Variants in ZNF136 observed in about 807,000 individuals in gnomAD.
The protein encoded by ZNF136 is zinc finger protein 136.
ZNF136 carries 8 observed loss-of-function variants against 11.4 expected under a neutral mutation model. The observed-to-expected ratio is 0.70, with a 90% CI of 0.41 to 1.27. The LOEUF (loss-of-function observed/expected upper bound fraction) is 1.27. Ranked by LOEUF, ZNF136 falls within the 50% of genes most tolerant of loss-of-function variation. The pLI, the probability that ZNF136 is intolerant of heterozygous loss-of-function variation, is 0.01. For missense variants in ZNF136, 590 were observed against 656.5 expected (o/e 0.90, Z 1.11); for synonymous variants, 190 against 207.1 (o/e 0.92, Z 0.71).
chr19:12,173,359 A>G (rs1339675093), intron 1 of ZNF136, among the ~76,000 whole-genome samples: 1 of 152,084 alleles, frequency 6.6e-6, no homozygotes, highest in Non-Finnish European at 1.5e-5. Flanking sequence ...CTATTGAATG[A>G]CGTCTGTATA....
chr19:12,176,524 A>G, intron 1 of ZNF136, among the ~76,000 whole-genome samples: 1 of 151,866 alleles, frequency 6.6e-6, no homozygotes, highest in African/African-American at 2.4e-5. Context: ...ATGGGTTTTC[A>G]CCATGTTGGC....
At chr19:12,171,789 T>C (rs978413440) in intron 1 of ZNF136, among the ~76,000 whole-genome samples, 1 of 151,988 alleles carries the variant, frequency 6.6e-6, no homozygotes, top group Non-Finnish European at 1.5e-5. Flanking sequence ...ACTTTGGCTC[T>C]TCCTTTCAGG....
intron 1 of ZNF136, among the ~76,000 whole-genome samples, chr19:12,176,743 T>C (rs777907607): frequency 6.6e-6 from 1 of 152,080 alleles, no homozygotes; most frequent in Non-Finnish European, 1.5e-5. Flanking sequence ...AGAAACAAGA[T>C]ATAAGTAGAA....
chr19:12,179,622 C>A (rs1177782181), intron 1 of ZNF136, among the ~76,000 whole-genome samples: 1 of 151,636 alleles, frequency 6.6e-6, no homozygotes, highest in Non-Finnish European at 1.5e-5. Flanking sequence ...AAAAGAATTT[C>A]TTCTAGGACG....
intron 1 of ZNF136, among the ~76,000 whole-genome samples, chr19:12,174,508 C>G (rs948921638): frequency 1.3e-5 from 2 of 152,174 alleles, no homozygotes; most frequent in African/African-American, 4.8e-5. Flanking sequence ...ATACCATACT[C>G]TCCTGATTAC....
chr19:12,175,960 G>A (rs939268309), intron 1 of ZNF136, among the ~76,000 whole-genome samples: 4 of 151,982 alleles, frequency 2.6e-5, no homozygotes, highest in African/African-American at 4.8e-5. Context: ...ATGTGATCAT[G>A]AAATTTTTTT....
intron 1 of ZNF136, among the ~76,000 whole-genome samples, chr19:12,168,659 A>G (rs935743135): frequency 1.3e-5 from 2 of 149,504 alleles, no homozygotes; most frequent in Non-Finnish European, 3.0e-5. Context: ...TATCTTTTCC[A>G]TTTGGCTGTT....
intron 1 of ZNF136, among the ~76,000 whole-genome samples, chr19:12,179,514 T>G (rs1470367502): frequency 1.3e-5 from 2 of 152,148 alleles, no homozygotes; most frequent in Non-Finnish European, 2.9e-5. Context: ...TTCCTCCATG[T>G]TGGCCAGGGT....
chr19:12,188,050 C>A lies in ZNF136; in HGVS notation c.*49C>A. 2 of 1,420,760 alleles carry A rather than the reference C, an allele frequency of 1.4e-6. No homozygotes were observed. 88.0% of individuals were successfully genotyped at this position (1,420,760 alleles called of 1,614,324 possible). ...ATTAAAATACTCACTGAAGAGAAGCCCTATGAATGTAAGTAACGTGGGAAA... is the reference window on the plus strand; with the variant it reads ...ATTAAAATACTCACTGAAGAGAAGCACTATGAATGTAAGTAACGTGGGAAA... On this transcript the variant is annotated 3_prime_UTR_variant, in exon 4 of 4. Coordinates refer to ENST00000343979, the MANE Select transcript of ZNF136 (RefSeq NM_003437.5).
chr19:12,181,479 GTT>G (rs61067620), intron 1 of ZNF136, among the ~76,000 whole-genome samples: 20 of 140,886 alleles, frequency 1.4e-4, no homozygotes, highest in African/African-American at 2.6e-4. Context: ...ATTTGTTTTT[GTT>G]TTTTTTTTTT....
chr19:12,169,669 A>T (rs948736683), intron 1 of ZNF136, among the ~76,000 whole-genome samples: 1 of 149,236 alleles, frequency 6.7e-6, no homozygotes, highest in Non-Finnish European at 1.5e-5. Context: ...AGTGCAATGG[A>T]GCGATCTTGG....
At chr19:12,185,980 C>T in intron 2 of ZNF136, 69 bp downstream of exon 2, 1 of 1,606,406 alleles carries the variant, frequency 6.2e-7, no homozygotes, top group Non-Finnish European at 8.5e-7. Flanking sequence ...GATGCTGTTC[C>T]ATGGTTTGCA....
intron 1 of ZNF136, among the ~76,000 whole-genome samples, chr19:12,165,206 T>TAC (rs1359450488): frequency 6.6e-6 from 1 of 152,202 alleles, no homozygotes; most frequent in Non-Finnish European, 1.5e-5. Flanking sequence ...GTACACAGTG[T>TAC]CGCGTAATGC....
chr19:12,187,962 A>G lies in ZNF136; in HGVS notation c.1584A>G (p.Glu528=). 1 of 1,544,042 alleles carries G rather than the reference A, an allele frequency of 6.5e-7. No homozygotes were observed. Among genetic ancestry groups the G allele is most frequent in the African/African-American group, 1.4e-5 (1 of 72,328 alleles). The change falls in exon 4 of 4, where the codon GAA becomes GAG. Residue 528 remains glutamate, a synonymous_variant. Coordinates refer to ENST00000343979, the MANE Select transcript of ZNF136 (RefSeq NM_003437.5). ...AGAGACACATGTTAACACATGCTGAAGATGGACCACCTTATAAATGCATGT... is the reference window on the plus strand; with the variant it reads ...AGAGACACATGTTAACACATGCTGAGGATGGACCACCTTATAAATGCATGT... ...SFQRHMLTHA[E]DGPPYKCMWE... is the part of the protein sequence containing the mutation.
At chr19:12,176,784 A>C (rs1914805177) in intron 1 of ZNF136, among the ~76,000 whole-genome samples, 1 of 152,156 alleles carries the variant, frequency 6.6e-6, no homozygotes, top group African/African-American at 2.4e-5. Context: ...GCTTAGTCCT[A>C]AGGAGAGAGA....
At chr19:12,168,321 A>G (rs1599451740) in intron 1 of ZNF136, among the ~76,000 whole-genome samples, 1 of 151,490 alleles carries the variant, frequency 6.6e-6, no homozygotes, top group Non-Finnish European at 1.5e-5. Flanking sequence ...TGATCTGCCT[A>G]CCTCAGCCTC....
chr19:12,171,304 A>G lies in ZNF136; in HGVS notation c.3+8098A>G, dbSNP rs567274776. On this transcript the variant is annotated intron_variant, in intron 1 of 3. Coordinates refer to ENST00000343979, the MANE Select transcript of ZNF136 (RefSeq NM_003437.5). Reference sequence around the variant, plus strand: ...GCTTTGTAAGTTTTTTATACATTGGAAAAAAAAATCCCTGGGATGTAGCTT... The same window carrying G: ...GCTTTGTAAGTTTTTTATACATTGGGAAAAAAAATCCCTGGGATGTAGCTT... Among the ~76,000 whole-genome samples, 10 of 147,370 alleles carry G rather than the reference A, an allele frequency of 6.8e-5. No homozygotes were observed. In the South Asian group the frequency reaches 1.5e-3, roughly 22 times the overall value.
intron 1 of ZNF136, 93 bp from the exon 2 acceptor site, chr19:12,185,692 C>T (rs1279942158): frequency 6.6e-6 from 10 of 1,504,662 alleles, no homozygotes; most frequent in Non-Finnish European, 8.9e-6. Context: ...TTTGCAGACC[C>T]CTGAAACATG....
chr19:12,178,256 C>G (rs548777280), intron 1 of ZNF136, among the ~76,000 whole-genome samples: 1 of 152,174 alleles, frequency 6.6e-6, no homozygotes, highest in African/African-American at 2.4e-5. Context: ...TGCCTTTCCA[C>G]TCTGTTAATT....
Sources: allele counts gnomAD v4.1 joint callset (sites outside exome capture counted in the v4.1 genomes callset), GRCh38; gene constraint gnomAD v4.1.1; transcripts MANE v1.5; gene names NCBI Gene and HGNC (gene_info 2026-07-23, HGNC 2026-07-21).